KIF1A: variants seen among roughly 807,000 people sequenced by gnomAD.
KIF1A encodes kinesin-like protein KIF1A.
In KIF1A, 46 loss-of-function variants were observed where a neutral mutation model predicts 227.3. The ratio of observed to expected loss-of-function variants is 0.20; its 90% CI spans 0.16 to 0.26. KIF1A has a LOEUF of 0.26. Among genes scored for constraint, KIF1A ranks in the 10% least tolerant of loss-of-function variants. The pLI is 1.00. For missense variants in KIF1A, 1,683 were observed against 2,485.9 expected (o/e 0.68, Z 6.87); for synonymous variants, 1,022 against 1,012.8 (o/e 1.01, Z -0.17).
intron 2 of KIF1A, among the ~76,000 whole-genome samples, chr2:240,797,211 C>A (rs1236488540): frequency 2.0e-5 from 3 of 152,220 alleles, no homozygotes; most frequent in African/African-American, 7.2e-5. Context: ...TATAAGAAAG[C>A]CAAACCCAGT....
In KIF1A at chr2:240,784,073, G is replaced by A. The variant is rs571613740; in HGVS notation, c.721-257C>T. Among the ~76,000 whole-genome samples the A allele has an allele frequency of 8.6e-4, 131 of 152,310 alleles. 2 individuals carry two copies. The highest frequency in any genetic ancestry group is 2.9e-3 in the African/African-American group (121 of 41,562). ...GGGAGCACGGGCGCTGCCACCACAC[G>A]CTGGGTGGTTTTCACACAAGGGCGT... On this transcript the variant is annotated intron_variant, in intron 7 of 48. Coordinates refer to ENST00000498729, the MANE Select transcript of KIF1A (RefSeq NM_001244008.2).
intron 27 of KIF1A, among the ~76,000 whole-genome samples, chr2:240,753,314 C>T (rs1029145925): frequency 2.6e-5 from 4 of 152,258 alleles, no homozygotes; most frequent in Non-Finnish European, 2.9e-5. Context: ...CCAGGCCCAT[C>T]CCAGGTCACA....
chr2:240,787,972 T>C (rs1186209104), intron 4 of KIF1A, 79 bp downstream of exon 4: 11 of 1,364,080 alleles, frequency 8.1e-6, no homozygotes, highest in South Asian at 5.3e-5. Context: ...CTCTCAGGGG[T>C]GCCTGGCCCG....
rs868224008 is a variant in KIF1A, at chr2:240,778,356, G to T, written c.883-2430C>A. Among the ~76,000 whole-genome samples the T allele has an allele frequency of 6.6e-6, 1 of 151,660 alleles. No homozygotes were observed. ...CATTCTCCACACGCCAGTCCCCACC[G>T]TCCCTGACACACTCGCTCTCACGGT... On this transcript the variant is annotated intron_variant, in intron 10 of 48. Coordinates refer to ENST00000498729, the MANE Select transcript of KIF1A (RefSeq NM_001244008.2). The surrounding 1 kb of genome is among the most constrained non-coding windows in gnomAD (Gnocchi z 7.2).
chr2:240,787,378 C>T, intron 4 of KIF1A, 62 bp from the exon 5 acceptor site: 1 of 1,435,836 alleles, frequency 7.0e-7, no homozygotes, highest in Non-Finnish European at 9.8e-7. Flanking sequence ...ATCCCTGCCC[C>T]TTGCGATACT....
chr2:240,753,873 C>T (rs1028889746), intron 27 of KIF1A, among the ~76,000 whole-genome samples: 2 of 152,148 alleles, frequency 1.3e-5, no homozygotes, highest in Non-Finnish European at 2.9e-5. Context: ...GCAGCAAGGG[C>T]CTGCAAGGGA....
At position 240,736,993 on chromosome 2, in the gene KIF1A, C is replaced by G. The variant is rs974813537; in HGVS notation, c.4007+70G>C. On this transcript the variant is annotated intron_variant, in intron 38 of 48. Coordinates refer to ENST00000498729, the MANE Select transcript of KIF1A (RefSeq NM_001244008.2). The surrounding 1 kb of genome is among the most constrained non-coding windows in gnomAD (Gnocchi z 4.7). Reference sequence around the variant, plus strand: ...CACCTTGTGTGGCTGAACCCTGTGCCGGGTTGGCTGAGGGCCTGGCAGGCT... The same window carrying G: ...CACCTTGTGTGGCTGAACCCTGTGCGGGGTTGGCTGAGGGCCTGGCAGGCT... 17 of 1,272,660 alleles carry G rather than the reference C, an allele frequency of 1.3e-5. No individual in the cohort carries two copies. Among genetic ancestry groups the G allele is most frequent in the Non-Finnish European group, 1.7e-5 (15 of 872,978 alleles). The allele number at this position is 1,272,660 out of a possible 1,614,324, so 78.8% of individuals were successfully genotyped here. A position where few individuals can be genotyped will look rare whatever the true frequency, so the allele number is the denominator to read the frequency against.
Position 240,758,353 on chromosome 2 carries a change from C to A in KIF1A, c.2582+7G>T. ...TCTCTCTGCCAAGGAAGGGAGGAGG[C>A]GCCCACCTGCCCACCAGCCGGAACC... On this transcript the variant is annotated splice_region_variant and intron_variant, in intron 26 of 48. Transcript: ENST00000498729. The surrounding 1 kb of genome is among the most constrained non-coding windows in gnomAD (Gnocchi z 5.2). The A allele has an allele frequency of 6.2e-7, 1 of 1,607,476 alleles. No individual in the cohort carries two copies. Among genetic ancestry groups the A allele is most frequent in the Non-Finnish European group, 8.5e-7 (1 of 1,176,880 alleles).
At chr2:240,743,610 G>A (rs2048251425) in intron 33 of KIF1A, among the ~76,000 whole-genome samples, 1 of 152,168 alleles carries the variant, frequency 6.6e-6, no homozygotes, top group South Asian at 2.1e-4. Context: ...CCCTTTCCTG[G>A]GGTCCTCGGT....
At chr2:240,745,697 T>C in intron 31 of KIF1A, 41 bp downstream of exon 31, 1 of 1,593,042 alleles carries the variant, frequency 6.3e-7, no homozygotes, top group Non-Finnish European at 8.5e-7. Context: ...GGGCACAGAG[T>C]CCCTGCGCAG....
At chr2:240,754,345 G>A (rs1033267626) in intron 27 of KIF1A, among the ~76,000 whole-genome samples, 1 of 102,142 alleles carries the variant, frequency 9.8e-6, no homozygotes, top group African/African-American at 4.5e-5. Flanking sequence ...TGTGGCTCTA[G>A]TGCTGGGTGC....
In KIF1A at chr2:240,761,236, T is replaced by C. The variant is rs2050492325; in HGVS notation, c.2258A>G (p.Lys753Arg). 1.2e-6 allele frequency: 2 copies of C among 1,612,074 alleles called. No individual in the cohort carries two copies. Among genetic ancestry groups the C allele is most frequent in the Non-Finnish European group, 1.7e-6 (2 of 1,178,784 alleles). Reference protein sequence around the residue: ...KEANAISVELKKKVQFQFVLL... With the variant: ...KEANAISVELRKKVQFQFVLL... ...AGCCAGTGGGCAGCCCACCTTCTTT[T>C]TCAGCTCCACGCTGATGGCATTGGC... The change falls in exon 24 of 49, where the codon AAA (lysine) becomes AGA (arginine). Residue 753 changes from lysine to arginine, a missense_variant. This residue lies in a region of KIF1A where 217 missense variants were observed against 427.0 expected (regional missense o/e 0.51). Coordinates refer to ENST00000498729, the MANE Select transcript of KIF1A (RefSeq NM_001244008.2).
At chr2:240,720,833 C>T in intron 45 of KIF1A, 81 bp downstream of exon 45, 1 of 1,456,516 alleles carries the variant, frequency 6.9e-7, no homozygotes, top group South Asian at 1.4e-5. Flanking sequence ...CTGTTCTGTG[C>T]TCTCTGTGCC....
At position 240,720,944 on chromosome 2, in the gene KIF1A, A is replaced by G; in HGVS notation, c.4838T>C (p.Val1613Ala). ...GTCAGTGGCACCGTACCGCCCTTCA[A>G]CCAGAGAGGGGCAAGTGGAGGAGGG... ...LTPSSTCPSL[V>A]EGRYGATDLR... Residue 1613 changes from valine (V) to alanine (A), a missense_variant, in exon 45 of 49, where the codon GTT becomes GCT. This residue lies in a region of KIF1A where 384 missense variants were observed against 410.1 expected (regional missense o/e 0.94). Transcript: ENST00000498729. 3 of 1,592,890 alleles carry G rather than the reference A, an allele frequency of 1.9e-6. No individual in the cohort carries two copies. The highest frequency in any genetic ancestry group is 2.3e-5 in the South Asian group (2 of 87,888).
intron 37 of KIF1A, 175 bp from the exon 38 acceptor site, chr2:240,737,343 G>T: frequency 1.8e-6 from 1 of 564,604 alleles, no homozygotes; most frequent in South Asian, 2.1e-5. Flanking sequence ...CAGCAACCCA[G>T]GTGCCATGTG....
At chr2:240,812,282 T>C (rs1197719122) in intron 1 of KIF1A, among the ~76,000 whole-genome samples, 1 of 152,148 alleles carries the variant, frequency 6.6e-6, no homozygotes, top group Admixed American at 6.5e-5. Flanking sequence ...CCAAGGCAGA[T>C]GACAAAGCGT....
At chr2:240,781,832 C>T in intron 10 of KIF1A, 1 of 985,382 alleles carries the variant, frequency 1.0e-6, no homozygotes, top group Non-Finnish European at 1.2e-6. Context: ...CAGTTCCCCA[C>T]TCAGTCCACA....
Position 240,718,092 on chromosome 2 carries a change from T to C in KIF1A, c.5291A>G (p.Asp1764Gly), listed in dbSNP as rs1202293305. 1 of 1,611,722 alleles carries C rather than the reference T, an allele frequency of 6.2e-7. No homozygotes were observed. Among genetic ancestry groups the C allele is most frequent in the Non-Finnish European group, 8.5e-7 (1 of 1,179,472 alleles). ...GAGGGGGTTGAAGGCGTACAGCCAGTCATGCATGTCCTTGTCGCTGGCGGC... is the reference window on the plus strand; with the variant it reads ...GAGGGGGTTGAAGGCGTACAGCCAGCCATGCATGTCCTTGTCGCTGGCGGC... ...LQAASDKDMH[D>G]WLYAFNPLLA... The change falls in exon 48 of 49, where the codon GAC becomes GGC. Residue 1764 changes from aspartate to glycine, a missense_variant. Asp to Gly is a moderately conservative substitution (Grantham distance 94, BLOSUM62 -1). Coordinates refer to ENST00000498729, the MANE Select transcript of KIF1A (RefSeq NM_001244008.2).
rs1258382052 is a variant in KIF1A at position 240,745,818 on chromosome 2, G to T, written c.3294C>A (p.Gly1098=). 2 of 1,612,950 alleles carry T rather than the reference G, an allele frequency of 1.2e-6. No homozygotes were observed. The highest frequency in any genetic ancestry group is 1.1e-5 in the South Asian group (1 of 90,898). ...CTGTCACACGGAAGGTGAAGGTGTT[G>T]CCCAGGCGGAGGTGGTCCAGGGCAG... is the stretch of plus-strand genomic sequence containing the variant. The part of the protein sequence containing the change: ...LDAALDHLRL[G]NTFTFRVTVL... The change falls in exon 31 of 49, where the codon GGC becomes GGA. Residue 1098 remains glycine, a synonymous_variant. Coordinates refer to ENST00000498729, the MANE Select transcript of KIF1A (RefSeq NM_001244008.2).
Sources: allele counts gnomAD v4.1 joint callset (sites outside exome capture counted in the v4.1 genomes callset), GRCh38; gene constraint gnomAD v4.1.1; regional missense constraint gnomAD v4.1.1; non-coding constraint Gnocchi (gnomAD v3.1); transcripts MANE v1.5; gene names NCBI Gene and HGNC (gene_info 2026-07-23, HGNC 2026-07-21).